The following TMEM255A variants were observed in gnomAD, a reference collection of about 807,000 sequenced individuals.
TMEM255A encodes family with sequence similarity 70, member A.
In TMEM255A, 14 loss-of-function variants were observed where a neutral mutation model predicts 23.5. The observed-to-expected ratio is 0.60, with a 90% confidence interval of 0.39 to 0.93. The LOEUF (loss-of-function observed/expected upper bound fraction) is 0.93, where lower values mean the gene tolerates loss of function less well. Among genes scored for constraint, TMEM255A ranks in the 40% least tolerant of loss-of-function variants. The probability of loss-of-function intolerance (pLI) is 0.00; values close to 1 mark genes in which losing one functional copy is unlikely to be tolerated. For synonymous variants in TMEM255A, 104 were observed against 100.3 expected, an observed-to-expected ratio of 1.04 and a Z score of -0.22; for missense variants, 233 against 261.7, an observed-to-expected ratio of 0.89 and a Z score of 0.76.
chrX:120,287,693 A>G (rs782487321), intron 4 of TMEM255A, among the ~76,000 whole-genome samples: 127 of 111,316 alleles, frequency 1.1e-3, no homozygotes, highest in Non-Finnish European at 2.2e-3. Flanking sequence ...TTTCCGCATC[A>G]TTTTCAGAAG....
chrX:120,310,394 C>T (rs973114645), intron 1 of TMEM255A, among the ~76,000 whole-genome samples: 1 of 110,564 alleles, frequency 9.0e-6, no homozygotes, highest in Non-Finnish European at 1.9e-5. Context: ...AGTTGGTGCC[C>T]GAAGGTAGCT....
intron 8 of TMEM255A, among the ~76,000 whole-genome samples, chrX:120,267,895 G>T (rs1395052423): frequency 5.4e-5 from 6 of 111,115 alleles, no homozygotes; most frequent in African/African-American, 2.0e-4. Context: ...GTTGCACAGG[G>T]GTCCATGGTA....
intron 2 of TMEM255A, among the ~76,000 whole-genome samples, chrX:120,294,912 A>G (rs1462089807): frequency 8.9e-6 from 1 of 111,824 alleles, no homozygotes; most frequent in East Asian, 2.8e-4. Flanking sequence ...TGGTTGACCC[A>G]CTGCAATTTA....
chrX:120,282,782 G>A (rs1556021123), intron 6 of TMEM255A, among the ~76,000 whole-genome samples: 2 of 112,373 alleles, frequency 1.8e-5, no homozygotes, highest in Non-Finnish European at 3.8e-5. Flanking sequence ...CAATTCACCT[G>A]AGGACTCAGC....
At chrX:120,272,740 A>AT (rs781928518) in intron 7 of TMEM255A, among the ~76,000 whole-genome samples, 25,053 of 80,900 alleles carry the variant, frequency 0.31, 3,937 homozygotes, top group East Asian at 0.47. Context: ...GTCTTGGGCT[A>AT]TTTTTTTTTT....
At chrX:120,281,857 A>G (rs2057839465) in intron 6 of TMEM255A, among the ~76,000 whole-genome samples, 1 of 112,042 alleles carries the variant, frequency 8.9e-6, no homozygotes, top group African/African-American at 3.3e-5. Context: ...TCCTAGAGAA[A>G]GCCACCTTCC....
chrX:120,286,390 C>T (rs2057875424), intron 5 of TMEM255A, among the ~76,000 whole-genome samples: 3 of 112,044 alleles, frequency 2.7e-5, no homozygotes, highest in African/African-American at 9.7e-5. Context: ...ACAAAATTGT[C>T]AAGATTCCTG....
chrX:120,263,742 A>G (rs1262714032), intron 8 of TMEM255A, among the ~76,000 whole-genome samples: 2 of 109,611 alleles, frequency 1.8e-5, no homozygotes, highest in Non-Finnish European at 3.8e-5. Flanking sequence ...AAGAGGAAAA[A>G]AAAAAGGATG....
chrX:120,270,486 T>C (rs16995809), intron 7 of TMEM255A, among the ~76,000 whole-genome samples: 2,623 of 110,720 alleles, frequency 0.024, 91 homozygotes, highest in African/African-American at 0.081. Context: ...AGACAATGAT[T>C]GTGGACTTTG....
intron 7 of TMEM255A, among the ~76,000 whole-genome samples, chrX:120,269,030 A>G (rs2057736493): frequency 9.0e-6 from 1 of 111,395 alleles, no homozygotes; most frequent in Non-Finnish European, 1.9e-5. Context: ...TGAAGACATG[A>G]AGGGTATTGA....
chrX:120,286,642 G>T (rs1365478946), intron 5 of TMEM255A, among the ~76,000 whole-genome samples: 7 of 111,850 alleles, frequency 6.3e-5, no homozygotes, highest in Admixed American at 9.4e-5. Context: ...GAGGGGCCAG[G>T]CTGACAGTCC....
chrX:120,286,035 C>A, intron 5 of TMEM255A: 1 of 595,588 alleles, frequency 1.7e-6, no homozygotes. Context: ...ATGCTTACTG[C>A]CTTTCAGATA....
At chrX:120,251,472 A>T in the TMEM255A span, among the ~76,000 whole-genome samples, 6 of 102,479 alleles carry the variant, frequency 5.9e-5, no homozygotes, top group East Asian at 1.6e-3. Context: ...TCCCGCCCTC[A>T]CTCTGCTGTT....
chrX:120,256,969 T>C (rs1556015588), downstream of TMEM255A: 1 of 122,986 alleles, frequency 8.1e-6, no homozygotes, highest in African/African-American at 3.3e-5. Context: ...TTAATCATAA[T>C]TTCTCATGTA....
chrX:120,297,083 T>TA (rs1440351931), intron 2 of TMEM255A, among the ~76,000 whole-genome samples: 1 of 8,023 alleles, frequency 1.2e-4, no homozygotes, highest in Non-Finnish European at 1.5e-4. Flanking sequence ...TTATATTATA[T>TA]TATAATATAT....
At chrX:120,286,573 G>A (rs1310992901) in intron 5 of TMEM255A, among the ~76,000 whole-genome samples, 1 of 111,900 alleles carries the variant, frequency 8.9e-6, no homozygotes, top group Non-Finnish European at 1.9e-5. Context: ...TGGGGCAGAA[G>A]AGAGACTCAT....
chrX:120,291,039 T>C (rs2057910957), intron 4 of TMEM255A, among the ~76,000 whole-genome samples: 1 of 111,449 alleles, frequency 9.0e-6, no homozygotes, highest in Non-Finnish European at 1.9e-5. Flanking sequence ...CACTTGGAGT[T>C]TGTTCCCCCA....
rs782208538 is a variant in TMEM255A at position 120,311,282 on chromosome X, A to G, written c.28T>C (p.Ser10Pro). Residue 10 changes from serine (S) to proline (P), a missense_variant, in exon 1 of 9, where the codon TCC (serine) becomes CCC (proline). By Grantham distance (74) the Ser-to-Pro change is moderately conservative. Coordinates refer to ENST00000371369, the MANE Select transcript of TMEM255A (RefSeq NM_001104544.3). Reference sequence around the variant, plus strand: ...GAATCGGGCAGGGACATGTCGCTGGACCGCTGCTGAGTCAGGGACTGATGC... The same window carrying G: ...GAATCGGGCAGGGACATGTCGCTGGGCCGCTGCTGAGTCAGGGACTGATGC... MHQSLTQQR[S>P]SDMSLPDSMG... 8.4e-7 allele frequency: 1 copy of G among 1,185,016 alleles called. No individual in the cohort carries two copies. Among genetic ancestry groups the G allele is most frequent in the South Asian group, 1.9e-5 (1 of 53,648 alleles).
At chrX:120,275,051 G>GC (rs782356833) in intron 7 of TMEM255A, among the ~76,000 whole-genome samples, 11 of 112,452 alleles carry the variant, frequency 9.8e-5, no homozygotes, top group African/African-American at 3.6e-4. Context: ...ACTTTCATCT[G>GC]CCCCCTGGGG....
Sources: gnomAD v4.1 joint callset for allele counts (sites outside exome capture counted in the v4.1 genomes callset) on GRCh38, gnomAD v4.1.1 for gene constraint, MANE v1.5 for transcripts, NCBI Gene and HGNC (gene_info 2026-07-23, HGNC 2026-07-21) for gene names.